Variants in MAGI2 observed in about 807,000 individuals in gnomAD.
The protein encoded by MAGI2 is membrane associated guanylate kinase, WW and PDZ domain containing 2.
Under a neutral mutation model 133.3 loss-of-function variants are expected in MAGI2, and 35 were observed. That is an observed-to-expected ratio of 0.26 (90% confidence interval 0.20 to 0.35). The LOEUF (loss-of-function observed/expected upper bound fraction) is 0.35. Among genes scored for constraint, MAGI2 ranks in the 10% least tolerant of loss-of-function variants. MAGI2 has a pLI of 1.00. For missense variants in MAGI2, 1,636 were observed against 1,863.4 expected (o/e 0.88, Z 2.25); for synonymous variants, 729 against 710.6 (o/e 1.03, Z -0.41).
At chr7:78,316,005 C>T (rs1302107110) in intron 9 of MAGI2, among the ~76,000 whole-genome samples, 1 of 152,112 alleles carries the variant, frequency 6.6e-6, no homozygotes, top group East Asian at 1.9e-4. Context: ...CTCAATCCAT[C>T]GGGAGTCTCT....
At chr7:78,153,281 G>A (rs747762885) in intron 16 of MAGI2, among the ~76,000 whole-genome samples, 2 of 152,226 alleles carry the variant, frequency 1.3e-5, no homozygotes, top group African/African-American at 2.4e-5. Context: ...AGGATTTACT[G>A]TAAGGCAGAG....
intron 3 of MAGI2, among the ~76,000 whole-genome samples, chr7:78,602,737 A>G (rs1428063612): frequency 6.6e-6 from 1 of 152,250 alleles, no homozygotes; most frequent in Non-Finnish European, 1.5e-5. Flanking sequence ...ATATCTCCCC[A>G]TAGAATGCTT....
intron 2 of MAGI2, among the ~76,000 whole-genome samples, chr7:78,774,187 G>A (rs112540334): frequency 1.9e-3 from 288 of 152,242 alleles, no homozygotes; most frequent in African/African-American, 6.6e-3. Context: ...GATAGAAACC[G>A]GAAACATTGT....
At chr7:78,369,018 T>C in intron 7 of MAGI2, 138 bp downstream of exon 7, 1 of 550,788 alleles carries the variant, frequency 1.8e-6, no homozygotes, top group Non-Finnish European at 3.2e-6. Flanking sequence ...TAGCTAGTGC[T>C]GCTAGTCTTG....
chr7:78,145,519 C>CTT (rs1823215534), intron 16 of MAGI2, among the ~76,000 whole-genome samples: 2 of 152,100 alleles, frequency 1.3e-5, no homozygotes, highest in Admixed American at 1.3e-4. Context: ...GATTGGTCTG[C>CTT]TGCTTCTCCT....
At chr7:78,557,975 C>CT (rs5885075) in intron 3 of MAGI2, among the ~76,000 whole-genome samples, 121 of 150,660 alleles carry the variant, frequency 8.0e-4, no homozygotes, top group Admixed American at 1.3e-3. Flanking sequence ...TATTGGAACT[C>CT]TTTTTTTTTT....
Position 79,115,875 on chromosome 7 carries a change from T to A in MAGI2, c.302-108669A>T, listed in dbSNP as rs866203797. On this transcript the variant is annotated intron_variant, in intron 1 of 21. Coordinates refer to ENST00000354212, the MANE Select transcript of MAGI2 (RefSeq NM_012301.4). ...TAAAGTTTTTTTTTTTTTTTTTTTT[T>A]TTTTTTTAAAGAAACAACATTACTG... Among the ~76,000 whole-genome samples the A allele has an allele frequency of 1.6e-3, 243 of 150,090 alleles. 4 individuals carry two copies. Among genetic ancestry groups the A allele is most frequent in the African/African-American group, 5.4e-3 (219 of 40,918 alleles).
intron 2 of MAGI2, among the ~76,000 whole-genome samples, chr7:78,906,712 T>G (rs997671369): frequency 4.7e-5 from 7 of 149,366 alleles, no homozygotes; most frequent in Non-Finnish European, 8.8e-5. Flanking sequence ...GTGCTATTTT[T>G]GGTCAAGGAT....
intron 2 of MAGI2, among the ~76,000 whole-genome samples, chr7:78,986,991 A>T (rs1035753559): frequency 2.6e-5 from 4 of 151,978 alleles, no homozygotes; most frequent in East Asian, 3.9e-4. Context: ...CAGGATGGGG[A>T]TTGCAAACAA....
At chr7:78,521,004 G>A (rs1416688218) in intron 4 of MAGI2, among the ~76,000 whole-genome samples, 2 of 152,106 alleles carry the variant, frequency 1.3e-5, no homozygotes, top group South Asian at 2.1e-4. Flanking sequence ...TGAGAGAAGT[G>A]CAAGCATAGC....
chr7:78,931,530 G>C (rs1800121148), intron 2 of MAGI2, among the ~76,000 whole-genome samples: 1 of 152,086 alleles, frequency 6.6e-6, no homozygotes, highest in Non-Finnish European at 1.5e-5. Context: ...CATTGAAACA[G>C]AGCCTTCTAC....
intron 6 of MAGI2, among the ~76,000 whole-genome samples, chr7:78,448,350 A>T (rs961681076): frequency 6.6e-6 from 1 of 152,050 alleles, no homozygotes; most frequent in Non-Finnish European, 1.5e-5. Flanking sequence ...AGGAACTTCC[A>T]TACTATTTTC....
intron 1 of MAGI2, among the ~76,000 whole-genome samples, chr7:79,282,744 G>T (rs1325292096): frequency 1.3e-5 from 2 of 152,032 alleles, no homozygotes; most frequent in African/African-American, 2.4e-5. Context: ...ATAGATAAAA[G>T]TTTTATTTTA....
At chr7:78,803,242 G>A (rs1482912978) in intron 2 of MAGI2, among the ~76,000 whole-genome samples, 3 of 151,756 alleles carry the variant, frequency 2.0e-5, no homozygotes, top group Non-Finnish European at 4.4e-5. Context: ...TACATAAAGT[G>A]TTAACTGCTA....
chr7:78,904,593 G>A (rs931295811), intron 2 of MAGI2, among the ~76,000 whole-genome samples: 6 of 143,354 alleles, frequency 4.2e-5, no homozygotes, highest in South Asian at 2.1e-4. Flanking sequence ...GCACCTTCTC[G>A]GCTCACTGCA....
At chr7:78,544,462 G>T (rs1281561984) in intron 3 of MAGI2, among the ~76,000 whole-genome samples, 1 of 152,192 alleles carries the variant, frequency 6.6e-6, no homozygotes, top group African/African-American at 2.4e-5. Context: ...TTTGTCATTT[G>T]TAAGGTGGGG....
intron 1 of MAGI2, among the ~76,000 whole-genome samples, chr7:79,265,252 C>T (rs1055608471): frequency 1.3e-5 from 2 of 152,084 alleles, no homozygotes; most frequent in Non-Finnish European, 2.9e-5. Flanking sequence ...CAGAGACTTG[C>T]GGTGGGCCCT....
At chr7:78,453,021 C>G (rs1398290427) in intron 6 of MAGI2, among the ~76,000 whole-genome samples, 1 of 151,796 alleles carries the variant, frequency 6.6e-6, no homozygotes, top group Admixed American at 6.6e-5. Flanking sequence ...ATGTATATAT[C>G]ATCATGTTCA....
At position 79,064,812 on chromosome 7, in the gene MAGI2, G is replaced by A. The variant is rs1814141328; in HGVS notation, c.302-57606C>T. Among the ~76,000 whole-genome samples the A allele has an allele frequency of 2.6e-5, 4 of 152,084 alleles. No homozygotes were observed. In the South Asian group the frequency reaches 8.3e-4, roughly 32 times the overall value. On this transcript the variant is annotated intron_variant, in intron 1 of 21. Coordinates refer to ENST00000354212, the MANE Select transcript of MAGI2 (RefSeq NM_012301.4). ...CTAGATTCGGCTGTTTCACTAGGTTGTAGATAATTGGATATGAACAGAAGT... is the reference window on the plus strand; with the variant it reads ...CTAGATTCGGCTGTTTCACTAGGTTATAGATAATTGGATATGAACAGAAGT...
Sources: gnomAD v4.1 joint callset for allele counts (sites outside exome capture counted in the v4.1 genomes callset) on GRCh38, gnomAD v4.1.1 for gene constraint, MANE v1.5 for transcripts, NCBI Gene and HGNC (gene_info 2026-07-23, HGNC 2026-07-21) for gene names.